Variants in TMED7 observed in about 807,000 individuals in gnomAD.
TMED7 encodes transmembrane p24 trafficking protein 7.
TMED7 carries 8 observed loss-of-function variants against 23.4 expected under a neutral mutation model. The ratio of observed to expected loss-of-function variants is 0.34; its 90% confidence interval spans 0.20 to 0.62. The LOEUF (loss-of-function observed/expected upper bound fraction) is 0.62, where lower values mean the gene tolerates loss of function less well. Ranked by LOEUF, TMED7 falls within the 20% of genes least tolerant of loss-of-function variation. TMED7 has a pLI of 0.77. For synonymous variants in TMED7, 121 were observed against 108.5 expected, an observed-to-expected ratio of 1.12 and a Z score of -0.72; for missense variants, 232 against 279.1, an observed-to-expected ratio of 0.83 and a Z score of 1.20.
chr5:115,623,351 C>T (rs1024442357), intron 1 of TMED7, among the ~76,000 whole-genome samples: 1 of 152,198 alleles, frequency 6.6e-6, no homozygotes, highest in African/African-American at 2.4e-5. Flanking sequence ...TGCTACGCAG[C>T]TAGTCTCAAC....
chr5:115,622,644 GGAA>G (rs1179384192), intron 1 of TMED7, among the ~76,000 whole-genome samples: 2 of 151,684 alleles, frequency 1.3e-5, no homozygotes, highest in Non-Finnish European at 1.5e-5. Flanking sequence ...ATGTCTCCTG[GGAA>G]GAAGGGGTGC....
intron 2 of TMED7, among the ~76,000 whole-genome samples, chr5:115,617,827 T>G (rs1188042557): frequency 6.6e-6 from 1 of 152,240 alleles, no homozygotes; most frequent in East Asian, 1.9e-4. Context: ...GGAGTCTCGC[T>G]CTGTCACCCA....
At chr5:115,616,941 C>G (rs1756785815) in intron 2 of TMED7, among the ~76,000 whole-genome samples, 1 of 151,766 alleles carries the variant, frequency 6.6e-6, no homozygotes, top group African/African-American at 2.4e-5. Context: ...GCCACAACAT[C>G]AAAATCGTTA....
At chr5:115,618,916 G>GT (rs1187089126) in intron 2 of TMED7, among the ~76,000 whole-genome samples, 1 of 151,060 alleles carries the variant, frequency 6.6e-6, no homozygotes, top group Admixed American at 6.6e-5. Flanking sequence ...TGGTAATTTT[G>GT]TTCTGAACTT....
At chr5:115,616,851 C>G (rs1002371427) in intron 2 of TMED7, among the ~76,000 whole-genome samples, 7 of 151,984 alleles carry the variant, frequency 4.6e-5, no homozygotes, top group African/African-American at 1.7e-4. Context: ...AGTCAAAGCC[C>G]AAATATCTAT....
intron 1 of TMED7, among the ~76,000 whole-genome samples, 163 bp downstream of exon 1, chr5:115,625,438 G>A (rs1027707312): frequency 1.3e-5 from 2 of 152,206 alleles, no homozygotes; most frequent in African/African-American, 4.8e-5. Flanking sequence ...CTCACCCAAG[G>A]TTTATTAGAG....
chr5:115,622,404 C>T lies in TMED7; in HGVS notation c.193-1724G>A, dbSNP rs530050634. Among the ~76,000 whole-genome samples, 10 of 152,294 alleles carry T rather than the reference C, an allele frequency of 6.6e-5. No individual in the cohort carries two copies. The South Asian group carries it at 1.7e-3, about 25-fold the overall frequency. On this transcript the variant is annotated intron_variant, in intron 1 of 2. Transcript: ENST00000456936. ...CTCTCAAATTCATCGCATTCCGAAA[C>T]CACAATCCAGACAGGACTATTGCCA...
Position 115,625,741 on chromosome 5 carries a change from C to T in TMED7, c.52G>A (p.Gly18Arg). The T allele has an allele frequency of 1.3e-6, 2 of 1,562,614 alleles. No homozygotes were observed. Among genetic ancestry groups the T allele is most frequent in the Non-Finnish European group, 8.6e-7 (1 of 1,157,104 alleles). The stretch of plus-strand genomic sequence containing the variant: ...AGCAGCAGTGCGAGCAGCCTGCACC[C>T]CCAACGGCCCGCGACGGCCGCCCAG... Reference protein sequence around the residue: ...QRWAAVAGRWGCRLLALLLLV... With the variant: ...QRWAAVAGRWRCRLLALLLLV... The change falls in exon 1 of 3, where the codon GGG becomes AGG. Residue 18 changes from glycine (G) to arginine (R), a missense_variant. Gly to Arg is a moderately radical substitution (Grantham distance 125). Around this residue, in one of 2 missense-constraint regions of TMED7, gnomAD observed 106 missense variants for 97.0 expected, o/e 1.09. Transcript: ENST00000456936.
rs187907407 is a variant in TMED7, at chr5:115,620,877, C to A, written c.193-197G>T. On this transcript the variant is annotated intron_variant, in intron 1 of 2. Coordinates refer to ENST00000456936, the MANE Select transcript of TMED7 (RefSeq NM_181836.6). Reference sequence around the variant, plus strand: ...CAGAAACTGAACAAGTATTCTCCAACTTTTATTCACTTTGAACTAGCCAGA... The same window carrying A: ...CAGAAACTGAACAAGTATTCTCCAAATTTTATTCACTTTGAACTAGCCAGA... Among the ~76,000 whole-genome samples the A allele has an allele frequency of 1.1e-3, 172 of 152,286 alleles. 1 individual carries two copies. Among genetic ancestry groups the A allele is most frequent in the African/African-American group, 3.7e-3 (152 of 41,582 alleles).
Position 115,625,850 on chromosome 5 carries a change from G to C in TMED7, c.-58C>G, listed in dbSNP as rs890652641. The C allele has an allele frequency of 7.4e-7, 1 of 1,343,024 alleles. No homozygotes were observed. The highest frequency in any genetic ancestry group is 1.5e-5 in the African/African-American group (1 of 64,648). The allele number at this position is 1,343,024 out of a possible 1,614,324, so 83.2% of individuals were successfully genotyped here. A position where few individuals can be genotyped will look rare whatever the true frequency, so the allele number is the denominator to read the frequency against. ...GCGAGACGCAGGGTCAGGTCTGCGC[G>C]GACTCACCGCGCGCGGCAGGCCTCA... On this transcript the variant is annotated 5_prime_UTR_variant, in exon 1 of 3. Coordinates refer to ENST00000456936, the MANE Select transcript of TMED7 (RefSeq NM_181836.6).
At position 115,615,487 on chromosome 5, in the gene TMED7, G is replaced by A. The variant is rs1756685845; in HGVS notation, c.*722C>T. 1 of 152,154 alleles carries A rather than the reference G, an allele frequency of 6.6e-6. No homozygotes were observed. Among genetic ancestry groups the A allele is most frequent in the African/African-American group, 2.4e-5 (1 of 41,398 alleles). 9.4% of individuals were successfully genotyped at this position (152,154 alleles called of 1,614,324 possible). On this transcript the variant is annotated 3_prime_UTR_variant, in exon 3 of 3. Transcript: ENST00000456936. ...TCCTATTTCATTTGCCCCCATTGTA[G>A]TGTCTTAAATTATTCTGTAATATTT...
Position 115,616,097 on chromosome 5 carries a change from T to C in TMED7, c.*112A>G. 1 of 1,016,278 alleles carries C rather than the reference T, an allele frequency of 9.8e-7. No individual in the cohort carries two copies. The highest frequency in any genetic ancestry group is 1.5e-5 in the South Asian group (1 of 67,050). The allele number at this position is 1,016,278 out of a possible 1,614,324, so 63.0% of individuals were successfully genotyped here. A position where few individuals can be genotyped will look rare whatever the true frequency, so the allele number is the denominator to read the frequency against. ...TGCATTGTACATCCCTCCCAACAAG[T>C]GTATGAGTAAGGATTTAAAAATGTT... is the stretch of plus-strand genomic sequence containing the variant. On this transcript the variant is annotated 3_prime_UTR_variant, in exon 3 of 3. Transcript: ENST00000456936.
Position 115,625,864 on chromosome 5 carries a change from C to T in TMED7, c.-72G>A. The T allele has an allele frequency of 7.5e-7, 1 of 1,333,148 alleles. No homozygotes were observed. The highest frequency in any genetic ancestry group is 2.1e-5 in the South Asian group (1 of 48,274). The allele number at this position is 1,333,148 out of a possible 1,614,324, so 82.6% of individuals were successfully genotyped here. On this transcript the variant is annotated 5_prime_UTR_variant, in exon 1 of 3. Transcript: ENST00000456936. Reference sequence around the variant, plus strand: ...CAGGTCTGCGCGGACTCACCGCGCGCGGCAGGCCTCAGCGCAGGCCACCCC... The same window carrying T: ...CAGGTCTGCGCGGACTCACCGCGCGTGGCAGGCCTCAGCGCAGGCCACCCC...
At chr5:115,620,282 T>C in intron 2 of TMED7, 153 bp downstream of exon 2, 2 of 1,070,680 alleles carry the variant, frequency 1.9e-6, no homozygotes, top group African/African-American at 1.6e-5. Flanking sequence ...AGTCTGAAGT[T>C]CTCTGTGAAA....
Position 115,620,646 on chromosome 5 carries a change from C to A in TMED7, c.227G>T (p.Arg76Leu). ...ITGGHYDVDC[R>L]LEDPDGKVLY... ...CACTTTACCATCAGGATCTTCTAAT[C>A]GACAATCTACATCATAGTGACCACC... The change falls in exon 2 of 3, where the codon CGA (arginine) becomes CTA (leucine). Residue 76 changes from arginine (R) to leucine (L), a missense_variant. Coordinates refer to ENST00000456936, the MANE Select transcript of TMED7 (RefSeq NM_181836.6). 1 of 1,567,184 alleles carries A rather than the reference C, an allele frequency of 6.4e-7. No homozygotes were observed. The highest frequency in any genetic ancestry group is 8.6e-7 in the Non-Finnish European group (1 of 1,157,954).
rs2112581911 is a variant in TMED7 at position 115,625,869 on chromosome 5, G to C, written c.-77C>G. On this transcript the variant is annotated 5_prime_UTR_variant, in exon 1 of 3. Transcript: ENST00000456936. ...CTGCGCGGACTCACCGCGCGCGGCA[G>C]GCCTCAGCGCAGGCCACCCCGCAAA... 7.5e-7 allele frequency: 1 copy of C among 1,333,784 alleles called. No individual in the cohort carries two copies. The highest frequency in any genetic ancestry group is 9.5e-7 in the Non-Finnish European group (1 of 1,049,354). The allele number at this position is 1,333,784 out of a possible 1,614,324, so 82.6% of individuals were successfully genotyped here.
chr5:115,616,515 T>C, intron 2 of TMED7, 70 bp from the exon 3 acceptor site: 1 of 1,594,252 alleles, frequency 6.3e-7, no homozygotes, highest in Non-Finnish European at 8.6e-7. Context: ...ATTCAGCTTT[T>C]CTTTCAATTT....
chr5:115,615,171 C>G lies in TMED7; in HGVS notation c.*1038G>C, dbSNP rs1756659687. The stretch of plus-strand genomic sequence containing the variant: ...CAAAGCATTCTAAATTTTTAAATCA[C>G]TTTAGGGTAGCTAACCAGAAACTAC... On this transcript the variant is annotated 3_prime_UTR_variant, in exon 3 of 3. Coordinates refer to ENST00000456936, the MANE Select transcript of TMED7 (RefSeq NM_181836.6). 1 of 152,344 alleles carries G rather than the reference C, an allele frequency of 6.6e-6. No individual in the cohort carries two copies. The highest frequency in any genetic ancestry group is 2.4e-5 in the African/African-American group (1 of 41,424). 9.4% of individuals were successfully genotyped at this position (152,344 alleles called of 1,614,324 possible). A position where few individuals can be genotyped will look rare whatever the true frequency, so the allele number is the denominator to read the frequency against.
In TMED7 at chr5:115,614,234, G is replaced by A. The variant is rs1283680601; in HGVS notation, c.*1975C>T. On this transcript the variant is annotated 3_prime_UTR_variant, in exon 3 of 3. Coordinates refer to ENST00000456936, the MANE Select transcript of TMED7 (RefSeq NM_181836.6). The stretch of plus-strand genomic sequence containing the variant: ...ACACTATTTTCTATAACAGGTAACA[G>A]TAGTGATTTCAAAAATTTTAATATC... 1 of 152,122 alleles carries A rather than the reference G, an allele frequency of 6.6e-6. No individual in the cohort carries two copies. The highest frequency in any genetic ancestry group is 2.4e-5 in the African/African-American group (1 of 41,442). The allele number at this position is 152,122 out of a possible 1,614,324, so 9.4% of individuals were successfully genotyped here. A position where few individuals can be genotyped will look rare whatever the true frequency, so the allele number is the denominator to read the frequency against.
Sources: allele counts gnomAD v4.1 joint callset (sites outside exome capture counted in the v4.1 genomes callset), GRCh38; gene constraint gnomAD v4.1.1; regional missense constraint gnomAD v4.1.1; transcripts MANE v1.5; gene names NCBI Gene and HGNC (gene_info 2026-07-23, HGNC 2026-07-21).